NRXN3: variants seen among roughly 807,000 people sequenced by gnomAD.
The protein encoded by NRXN3 is neurexin III.
NRXN3 carries 32 observed loss-of-function variants against 137.6 expected under a neutral mutation model. The ratio of observed to expected loss-of-function variants is 0.23; its 90% CI spans 0.18 to 0.31. The LOEUF (loss-of-function observed/expected upper bound fraction) is 0.31. NRXN3 is among the 10% of genes least tolerant of loss of function. The pLI, the probability that NRXN3 is intolerant of heterozygous loss-of-function variation, is 1.00. For synonymous variants in NRXN3, 798 were observed against 784.5 expected (o/e 1.02, Z -0.29); for missense variants, 1,574 against 2,062.5 (o/e 0.76, Z 4.59).
At chr14:79,073,079 G>C (rs1354621491) in intron 15 of NRXN3, among the ~76,000 whole-genome samples, 2 of 151,988 alleles carry the variant, frequency 1.3e-5, no homozygotes, top group African/African-American at 4.8e-5. Context: ...TACAGACAGT[G>C]TTTCACCATC....
intron 15 of NRXN3, among the ~76,000 whole-genome samples, chr14:79,134,636 G>T (rs761339550): frequency 6.6e-6 from 1 of 152,106 alleles, no homozygotes; most frequent in Non-Finnish European, 1.5e-5. Context: ...ACTCTGTGTT[G>T]CTTGTGTCCA....
intron 20 of NRXN3, among the ~76,000 whole-genome samples, chr14:79,843,987 G>C (rs1334916857): frequency 6.6e-6 from 1 of 152,088 alleles, no homozygotes; most frequent in African/African-American, 2.4e-5. Context: ...CTATAAGAGA[G>C]AGCATACAAT....
At chr14:78,394,087 T>C (rs1480379625) in intron 4 of NRXN3, among the ~76,000 whole-genome samples, 1 of 152,052 alleles carries the variant, frequency 6.6e-6, no homozygotes, top group Non-Finnish European at 1.5e-5. Flanking sequence ...CGTATGTATT[T>C]TTTTAAATTT....
rs146777275 is a variant in NRXN3 at position 79,563,613 on chromosome 14, C to T, written c.3444+96211C>T. 5.8e-3 allele frequency among the ~76,000 whole-genome samples: 858 copies of T among 148,720 alleles called. 1 individual carries two copies. Among genetic ancestry groups the T allele is most frequent in the Middle Eastern group, 0.014 (4 of 278 alleles). On this transcript the variant is annotated intron_variant, in intron 16 of 20. Coordinates refer to ENST00000335750, the MANE Select transcript of NRXN3 (RefSeq NM_001330195.2). ...AGTGCACTGTGTCAAAATTTGGTCTCGTTAAATAAATTCCTATTCTATCAG... is the reference window on the plus strand; with the variant it reads ...AGTGCACTGTGTCAAAATTTGGTCTTGTTAAATAAATTCCTATTCTATCAG...
At chr14:78,522,819 A>G (rs1269130398) in intron 4 of NRXN3, among the ~76,000 whole-genome samples, 1 of 152,220 alleles carries the variant, frequency 6.6e-6, no homozygotes, top group African/African-American at 2.4e-5. Flanking sequence ...ATGCAAGGCT[A>G]GACTACTAGC....
At position 78,759,471 on chromosome 14, in the gene NRXN3, A is replaced by T. The variant is rs189081123; in HGVS notation, c.2045-44149A>T. 2.0e-4 allele frequency among the ~76,000 whole-genome samples: 30 copies of T among 152,336 alleles called. No individual in the cohort carries two copies. In the East Asian group the frequency reaches 4.4e-3, roughly 23 times the overall value. ...ATATAACCATTGTAAGCAGAGGAGT[A>T]AATATTTTGATTACATAAATATATC... On this transcript the variant is annotated intron_variant, in intron 8 of 20. Coordinates refer to ENST00000335750, the MANE Select transcript of NRXN3 (RefSeq NM_001330195.2).
chr14:79,045,842 T>G (rs1331606326), intron 15 of NRXN3, among the ~76,000 whole-genome samples: 3 of 152,214 alleles, frequency 2.0e-5, no homozygotes, highest in Non-Finnish European at 2.9e-5. Flanking sequence ...CTTGTTCAGT[T>G]TCTAATTTAG....
At chr14:79,760,395 T>TAGAGTGTA (rs1348737659) in intron 19 of NRXN3, among the ~76,000 whole-genome samples, 1 of 150,120 alleles carries the variant, frequency 6.7e-6, no homozygotes, top group Non-Finnish European at 1.5e-5. Flanking sequence ...TTCAAAGGCC[T>TAGAGTGTA]AGAGTGTAAG....
chr14:79,162,178 C>T (rs1319337768), intron 15 of NRXN3, among the ~76,000 whole-genome samples: 1 of 149,560 alleles, frequency 6.7e-6, no homozygotes, highest in Non-Finnish European at 1.5e-5. Context: ...TTTTAGGGTA[C>T]ATGTGCACAA....
intron 4 of NRXN3, among the ~76,000 whole-genome samples, chr14:78,476,136 T>C (rs2095373605): frequency 6.6e-6 from 1 of 152,240 alleles, no homozygotes; most frequent in Admixed American, 6.5e-5. Flanking sequence ...GTGCTTACTA[T>C]GTGTCACACA....
intron 15 of NRXN3, among the ~76,000 whole-genome samples, chr14:79,274,424 A>G (rs947286883): frequency 1.3e-5 from 2 of 152,220 alleles, no homozygotes; most frequent in African/African-American, 2.4e-5. Flanking sequence ...ACATATTATG[A>G]TAACTCATTT....
chr14:79,775,842 T>A (rs1245226085), intron 19 of NRXN3, among the ~76,000 whole-genome samples: 1 of 152,176 alleles, frequency 6.6e-6, no homozygotes, highest in Non-Finnish European at 1.5e-5. Context: ...CTATCATAGG[T>A]GCAGATTAAA....
rs901550773 is a variant in NRXN3, at chr14:78,306,997, A to AT, written c.757+9144dup. Among the ~76,000 whole-genome samples, 19 of 152,212 alleles carry AT rather than the reference A, an allele frequency of 1.2e-4. 1 individual carries two copies. In the South Asian group the frequency reaches 3.7e-3, roughly 30 times the overall value. ...TTTTATATATGCAGTTTTTAAATTA[A>AT]TTTTTTTATTTTAAAGGGAAATTGT... On this transcript the variant is annotated intron_variant, in intron 4 of 20. Transcript: ENST00000335750.
At chr14:79,010,123 A>T (rs2099568564) in intron 15 of NRXN3, among the ~76,000 whole-genome samples, 2 of 152,196 alleles carry the variant, frequency 1.3e-5, no homozygotes, top group Admixed American at 6.5e-5. Flanking sequence ...AGCTCCTTCA[A>T]TACTTCATTT....
Position 79,750,662 on chromosome 14 carries a change from C to T in NRXN3, c.4014+52725C>T, listed in dbSNP as rs538838097. On this transcript the variant is annotated intron_variant, in intron 19 of 20. Coordinates refer to ENST00000335750, the MANE Select transcript of NRXN3 (RefSeq NM_001330195.2). The stretch of plus-strand genomic sequence containing the variant: ...AAACAGCCTCCCCACCCAATCAGGG[C>T]AGGTTATAGTATTCAATGCCATCTT... Among the ~76,000 whole-genome samples, 4 of 152,238 alleles carry T rather than the reference C, an allele frequency of 2.6e-5. No individual in the cohort carries two copies. In the South Asian group the frequency reaches 6.2e-4, roughly 24 times the overall value.
At chr14:79,439,143 A>C (rs934332914) in intron 15 of NRXN3, among the ~76,000 whole-genome samples, 3 of 152,202 alleles carry the variant, frequency 2.0e-5, no homozygotes, top group Non-Finnish European at 2.9e-5. Context: ...CCACCCACCA[A>C]AGAGAGTGTT....
chr14:79,273,192 A>T lies in NRXN3; in HGVS notation c.3263-194029A>T, dbSNP rs1012920259. Among the ~76,000 whole-genome samples the T allele has an allele frequency of 1.4e-3, 208 of 150,900 alleles. 1 individual carries two copies. Among genetic ancestry groups the T allele is most frequent in the African/African-American group, 4.7e-3 (192 of 41,146 alleles). ...GTGGCCAAAAAAAAAAAAAAAAAAA[A>T]AAAAAAAATGGGTGGGAGGGAGGGT... On this transcript the variant is annotated intron_variant, in intron 15 of 20. Transcript: ENST00000335750.
chr14:78,568,513 G>A (rs2096857365), intron 4 of NRXN3, among the ~76,000 whole-genome samples: 1 of 152,140 alleles, frequency 6.6e-6, no homozygotes, highest in Non-Finnish European at 1.5e-5. Context: ...GTTTATAGCT[G>A]GAACTGGAGG....
chr14:78,847,824 A>G (rs962255001), intron 10 of NRXN3, among the ~76,000 whole-genome samples: 1 of 152,128 alleles, frequency 6.6e-6, no homozygotes, highest in Non-Finnish European at 1.5e-5. Flanking sequence ...CAGCTCTGTC[A>G]GATTTCTATG....
Sources: gnomAD v4.1 joint callset for allele counts (sites outside exome capture counted in the v4.1 genomes callset) on GRCh38, gnomAD v4.1.1 for gene constraint, MANE v1.5 for transcripts, NCBI Gene and HGNC (gene_info 2026-07-23, HGNC 2026-07-21) for gene names.